The following RBFOX1 variants were observed in gnomAD, a reference collection of about 807,000 sequenced individuals.
RBFOX1 encodes RNA binding fox-1 homolog 1, also known as RNA binding protein fox-1 homolog 1.
RBFOX1 carries 8 observed loss-of-function variants against 57.7 expected under a neutral mutation model. The observed-to-expected ratio is 0.14, with a 90% CI of 0.08 to 0.25. The LOEUF is 0.25. Among genes scored for constraint, RBFOX1 ranks in the 10% least tolerant of loss-of-function variants. The pLI, the probability that RBFOX1 is intolerant of heterozygous loss-of-function variation, is 1.00. For synonymous variants in RBFOX1, 326 were observed against 222.4 expected (o/e 1.47, Z -4.15); for missense variants, 611 against 548.5 (o/e 1.11, Z -1.14).
intron 3 of RBFOX1, among the ~76,000 whole-genome samples, chr16:6,673,375 G>C (rs578248851): frequency 1.9e-4 from 29 of 152,130 alleles, no homozygotes; most frequent in African/African-American, 6.7e-4. Context: ...ATCACCTGAG[G>C]TCAGGAGTTT....
chr16:6,265,609 C>T (rs929281756), intron 1 of RBFOX1, among the ~76,000 whole-genome samples: 1 of 152,116 alleles, frequency 6.6e-6, no homozygotes, highest in East Asian at 1.9e-4. Flanking sequence ...CATTTAAAGA[C>T]CTGAAGCCTT....
chr16:7,637,186 G>A lies in RBFOX1; in HGVS notation c.757+6503G>A, dbSNP rs76235683. On this transcript the variant is annotated intron_variant, in intron 11 of 15. Coordinates refer to ENST00000550418, the MANE Select transcript of RBFOX1 (RefSeq NM_018723.4). ...CCATGAAAGCCAGAGTTGAACAGTA[G>A]ATCCCCATCAGGATAAATCCTAAAG... Among the ~76,000 whole-genome samples the A allele has an allele frequency of 7.0e-3, 1,061 of 151,412 alleles. 9 individuals are homozygous for A. The highest frequency in any genetic ancestry group is 0.024 in the African/African-American group (982 of 41,198).
intron 1 of RBFOX1, among the ~76,000 whole-genome samples, chr16:5,415,494 G>A (rs929597006): frequency 3.3e-5 from 5 of 152,102 alleles, no homozygotes; most frequent in African/African-American, 1.2e-4. Flanking sequence ...CCTTAGACCT[G>A]GGTTGCAAAC....
intron 5 of RBFOX1, among the ~76,000 whole-genome samples, chr16:7,556,901 G>T (rs1305891145): frequency 6.6e-6 from 1 of 152,154 alleles, no homozygotes; most frequent in Non-Finnish European, 1.5e-5. Context: ...AAATTACTAA[G>T]TCATTTTAAT....
At chr16:6,996,484 T>G (rs1449311377) in intron 3 of RBFOX1, among the ~76,000 whole-genome samples, 3 of 152,216 alleles carry the variant, frequency 2.0e-5, no homozygotes, top group South Asian at 2.1e-4. Context: ...TCCTCCTATC[T>G]GGACACGCAT....
chr16:6,387,107 C>T (rs1319729753), intron 2 of RBFOX1, among the ~76,000 whole-genome samples: 1 of 152,154 alleles, frequency 6.6e-6, no homozygotes, highest in Non-Finnish European at 1.5e-5. Context: ...CCATTGGCAA[C>T]CATTCAATGA....
At chr16:5,514,964 G>C (rs80146113) in intron 2 of RBFOX1, among the ~76,000 whole-genome samples, 1,980 of 152,262 alleles carry the variant, frequency 0.013, 52 homozygotes, top group African/African-American at 0.046. Context: ...CAGGACCTCA[G>C]GGAGCTTTTA....
intron 2 of RBFOX1, among the ~76,000 whole-genome samples, chr16:6,380,854 C>T (rs2091741141): frequency 6.6e-6 from 1 of 152,214 alleles, no homozygotes; most frequent in African/African-American, 2.4e-5. Flanking sequence ...TCCTTCCCTT[C>T]ACATACCGTT....
At chr16:6,334,522 A>AAAAT (rs944412133) in intron 2 of RBFOX1, among the ~76,000 whole-genome samples, 10 of 151,878 alleles carry the variant, frequency 6.6e-5, no homozygotes, top group African/African-American at 2.4e-4. Context: ...AAAAAAAAAA[A>AAAAT]AATCAAAGAA....
At chr16:6,439,467 T>A (rs891912324) in intron 2 of RBFOX1, among the ~76,000 whole-genome samples, 1 of 152,124 alleles carries the variant, frequency 6.6e-6, no homozygotes, top group African/African-American at 2.4e-5. Flanking sequence ...AGTGATGGGA[T>A]TGTCGAGGAA....
chr16:6,631,279 G>T (rs1201813648), intron 2 of RBFOX1, among the ~76,000 whole-genome samples: 2 of 152,052 alleles, frequency 1.3e-5, no homozygotes, highest in Admixed American at 6.6e-5. Flanking sequence ...AAAATGGGGG[G>T]TGAGTGTGTG....
At chr16:6,403,224 A>G (rs1231962821) in intron 2 of RBFOX1, among the ~76,000 whole-genome samples, 4 of 152,102 alleles carry the variant, frequency 2.6e-5, no homozygotes, top group East Asian at 3.8e-4. Context: ...AAACCAAGAT[A>G]CTCAGGTAAT....
chr16:7,126,320 G>A (rs1481809738), intron 4 of RBFOX1: 2 of 303,884 alleles, frequency 6.6e-6, no homozygotes, highest in Non-Finnish European at 1.3e-5. Context: ...GGGGTCATGG[G>A]GCAGCACCCG....
intron 3 of RBFOX1, among the ~76,000 whole-genome samples, chr16:5,814,950 G>GA (rs1269165369): frequency 1.0e-4 from 15 of 146,566 alleles, no homozygotes; most frequent in East Asian, 4.0e-4. Context: ...AGAAAAAAAA[G>GA]AAAAAAAAAA....
chr16:5,241,870 G>T (rs1306990055), intron 1 of RBFOX1, among the ~76,000 whole-genome samples: 3 of 151,990 alleles, frequency 2.0e-5, no homozygotes, highest in Non-Finnish European at 2.9e-5. Flanking sequence ...AGAGGCCGAA[G>T]GGGGAGGATC....
intron 4 of RBFOX1, among the ~76,000 whole-genome samples, chr16:7,094,080 G>C (rs879370643): frequency 8.0e-5 from 12 of 150,316 alleles, no homozygotes; most frequent in Non-Finnish European, 1.5e-4. Flanking sequence ...AAACATACTA[G>C]ATGTGAAATA....
chr16:7,420,749 T>C (rs1349191075), intron 4 of RBFOX1, among the ~76,000 whole-genome samples: 1 of 151,602 alleles, frequency 6.6e-6, no homozygotes, highest in Admixed American at 6.6e-5. Context: ...ATCTAGAGCA[T>C]TTTTTTCTTT....
intron 11 of RBFOX1, among the ~76,000 whole-genome samples, chr16:7,632,143 A>G (rs111864934): frequency 0.038 from 5,803 of 152,282 alleles, 180 homozygotes; most frequent in South Asian, 0.18. Context: ...TCCTGACCTC[A>G]GATGATCCAT....
At chr16:6,520,689 A>G (rs1333277120) in intron 2 of RBFOX1, among the ~76,000 whole-genome samples, 1 of 152,222 alleles carries the variant, frequency 6.6e-6, no homozygotes, top group Non-Finnish European at 1.5e-5. Context: ...CCTCAGCAGC[A>G]GGAACCCTGC....
Sources: gnomAD v4.1 joint callset for allele counts (sites outside exome capture counted in the v4.1 genomes callset) on GRCh38, gnomAD v4.1.1 for gene constraint, MANE v1.5 for transcripts, NCBI Gene and HGNC (gene_info 2026-07-23, HGNC 2026-07-21) for gene names.